Variants in TMEM132D observed in about 807,000 individuals in gnomAD.
TMEM132D encodes transmembrane protein 132D.
Under a neutral mutation model 62.3 loss-of-function variants are expected in TMEM132D, and 21 were observed. That is an observed-to-expected ratio of 0.34 (90% CI 0.24 to 0.49). TMEM132D has a LOEUF of 0.49. Ranked by LOEUF, TMEM132D falls within the 20% of genes least tolerant of loss-of-function variation. The pLI is 0.99. For synonymous variants in TMEM132D, 621 were observed against 575.6 expected, an observed-to-expected ratio of 1.08 and a Z score of -1.13; for missense variants, 1,346 against 1,402.8, an observed-to-expected ratio of 0.96 and a Z score of 0.65.
At chr12:129,644,647 C>T (rs1161739522) in intron 2 of TMEM132D, among the ~76,000 whole-genome samples, 3 of 151,988 alleles carry the variant, frequency 2.0e-5, no homozygotes, top group Non-Finnish European at 2.9e-5. Flanking sequence ...TAATCTCCCT[C>T]AATGAGTATT....
chr12:129,722,930 TG>T (rs1788676542), intron 1 of TMEM132D, among the ~76,000 whole-genome samples: 1 of 151,840 alleles, frequency 6.6e-6, no homozygotes, highest in Admixed American at 6.6e-5. Flanking sequence ...TTAGTAGAGA[TG>T]GGGTTTCACC....
intron 1 of TMEM132D, among the ~76,000 whole-genome samples, chr12:129,798,253 T>C (rs1179207298): frequency 2.0e-5 from 3 of 152,144 alleles, no homozygotes; most frequent in East Asian, 1.9e-4. Flanking sequence ...TACTTCTCTA[T>C]AGCAATGCAA....
intron 3 of TMEM132D, among the ~76,000 whole-genome samples, chr12:129,437,637 G>A (rs1336827254): frequency 1.3e-5 from 2 of 152,076 alleles, no homozygotes; most frequent in Non-Finnish European, 2.9e-5. Flanking sequence ...CTTTGGAAAA[G>A]TGTTTGGCAG....
At position 129,327,212 on chromosome 12, in the gene TMEM132D, G is replaced by A. The variant is rs149954112; in HGVS notation, c.1299+10422C>T. ...TGGCTGAATTCAAGCAGAAGCCAGT[G>A]GGCGGGGCAGCCTGTTCCATGAAAT... On this transcript the variant is annotated intron_variant, in intron 4 of 8. Coordinates refer to ENST00000422113, the MANE Select transcript of TMEM132D (RefSeq NM_133448.3). 4.8e-3 allele frequency among the ~76,000 whole-genome samples: 730 copies of A among 152,238 alleles called. 7 individuals are homozygous for A. Among genetic ancestry groups the A allele is most frequent in the African/African-American group, 0.017 (704 of 41,542 alleles).
chr12:129,130,770 T>A (rs1317263779), intron 5 of TMEM132D, among the ~76,000 whole-genome samples: 2 of 152,072 alleles, frequency 1.3e-5, no homozygotes, highest in Non-Finnish European at 2.9e-5. Flanking sequence ...CACGTCTAGA[T>A]CAGGAGTACA....
intron 2 of TMEM132D, among the ~76,000 whole-genome samples, chr12:129,543,803 C>T (rs1476332509): frequency 1.3e-5 from 2 of 152,178 alleles, no homozygotes; most frequent in Non-Finnish European, 1.5e-5. Context: ...CGATGTAAAG[C>T]ATTTATAGAT....
At chr12:129,675,990 C>G (rs922331593) in intron 2 of TMEM132D, among the ~76,000 whole-genome samples, 2 of 152,188 alleles carry the variant, frequency 1.3e-5, no homozygotes, top group Admixed American at 1.3e-4. Flanking sequence ...TTGTCATGGC[C>G]TTTGGCTTTA....
intron 3 of TMEM132D, among the ~76,000 whole-genome samples, chr12:129,386,648 C>G (rs112376803): frequency 4.6e-5 from 7 of 151,598 alleles, no homozygotes; most frequent in African/African-American, 1.5e-4. Context: ...AGTCATAATA[C>G]AAACACAAAT....
Position 129,388,364 on chromosome 12 carries a change from C to T in TMEM132D, c.1116-50547G>A, listed in dbSNP as rs563503887. On this transcript the variant is annotated intron_variant, in intron 3 of 8. Transcript: ENST00000422113. The stretch of plus-strand genomic sequence containing the variant: ...CACCAATACTAACACCAACACCAAT[C>T]CAGCACTGATGATAATATTAACACT... Among the ~76,000 whole-genome samples the T allele has an allele frequency of 3.4e-5, 3 of 89,014 alleles. No individual in the cohort carries two copies. In the South Asian group the frequency reaches 8.6e-4, roughly 25 times the overall value. 58.4% of individuals were successfully genotyped at this position (89,014 alleles called of 152,430 possible).
At chr12:129,254,182 T>C (rs1880342486) in intron 4 of TMEM132D, among the ~76,000 whole-genome samples, 1 of 152,034 alleles carries the variant, frequency 6.6e-6, no homozygotes, top group Non-Finnish European at 1.5e-5. Flanking sequence ...ATTGAAAGAA[T>C]ACATCGGAAT....
At chr12:129,141,914 T>G (rs1876751035) in intron 5 of TMEM132D, among the ~76,000 whole-genome samples, 1 of 151,160 alleles carries the variant, frequency 6.6e-6, no homozygotes, top group South Asian at 2.1e-4. Flanking sequence ...CCCCGGAATC[T>G]ATAATAAAAG....
intron 5 of TMEM132D, among the ~76,000 whole-genome samples, chr12:129,175,364 G>C (rs766962510): frequency 1.3e-5 from 2 of 152,030 alleles, no homozygotes; most frequent in Non-Finnish European, 2.9e-5. Context: ...CAAGGGCCAG[G>C]GTTTGATACC....
chr12:129,743,488 T>C (rs1203380920), intron 1 of TMEM132D, among the ~76,000 whole-genome samples: 1 of 152,210 alleles, frequency 6.6e-6, no homozygotes, highest in South Asian at 2.1e-4. Flanking sequence ...CCTTCTGCCA[T>C]GGTTGTAAGT....
At chr12:129,588,724 G>T (rs576050271) in intron 2 of TMEM132D, among the ~76,000 whole-genome samples, 314 of 141,314 alleles carry the variant, frequency 2.2e-3, no homozygotes, top group African/African-American at 8.0e-3. Context: ...ACAGGCACCT[G>T]CCACCACGCC....
intron 4 of TMEM132D, among the ~76,000 whole-genome samples, chr12:129,263,023 C>T (rs1260550909): frequency 6.6e-6 from 1 of 152,130 alleles, no homozygotes; most frequent in Non-Finnish European, 1.5e-5. Flanking sequence ...GAGAAAGTCG[C>T]GTCTGAGAAC....
intron 6 of TMEM132D, among the ~76,000 whole-genome samples, chr12:129,083,675 C>T (rs1010399220): frequency 2.0e-5 from 3 of 152,184 alleles, no homozygotes; most frequent in Non-Finnish European, 2.9e-5. Flanking sequence ...CCCCAATTCT[C>T]CACCCCCTGC....
At chr12:129,492,850 TG>T (rs1462930753) in intron 3 of TMEM132D, among the ~76,000 whole-genome samples, 1 of 152,136 alleles carries the variant, frequency 6.6e-6, no homozygotes. Context: ...AGGCTGGGGT[TG>T]GGGAGAGGCA....
chr12:129,755,382 C>T (rs1016540815), intron 1 of TMEM132D, among the ~76,000 whole-genome samples: 3 of 152,240 alleles, frequency 2.0e-5, no homozygotes, highest in Non-Finnish European at 2.9e-5. Flanking sequence ...ATTACACTTT[C>T]GAGTAGTATG....
intron 1 of TMEM132D, among the ~76,000 whole-genome samples, chr12:129,835,569 G>A (rs1325498066): frequency 1.3e-5 from 2 of 152,098 alleles, no homozygotes; most frequent in African/African-American, 4.8e-5. Context: ...GGGATTACAG[G>A]CGTGAGCTAC....
Sources: gnomAD v4.1 joint callset for allele counts (sites outside exome capture counted in the v4.1 genomes callset) on GRCh38, gnomAD v4.1.1 for gene constraint, MANE v1.5 for transcripts, NCBI Gene and HGNC (gene_info 2026-07-23, HGNC 2026-07-21) for gene names.